The following PTPA variants were observed in gnomAD, a reference collection of about 807,000 sequenced individuals.
The protein encoded by PTPA is serine/threonine-protein phosphatase 2A activator.
Under a neutral mutation model 43.6 loss-of-function variants are expected in PTPA, and 13 were observed. That is an observed-to-expected ratio of 0.30 (90% confidence interval 0.19 to 0.47). The LOEUF is 0.47. Among genes scored for constraint, PTPA ranks in the 20% least tolerant of loss-of-function variants. PTPA has a pLI of 0.99. For missense variants in PTPA, 329 were observed against 411.9 expected (o/e 0.80, Z 1.74); for synonymous variants, 172 against 158.2 (o/e 1.09, Z -0.66).
chr9:129,126,135 C>T (rs774701014), intron 3 of PTPA, among the ~76,000 whole-genome samples: 1 of 151,500 alleles, frequency 6.6e-6, no homozygotes, highest in Non-Finnish European at 1.5e-5. Context: ...GGCGACAGTG[C>T]GAGACTTCGT....
intron 5 of PTPA, among the ~76,000 whole-genome samples, chr9:129,134,323 T>G (rs984487752): frequency 1.3e-4 from 13 of 97,620 alleles, no homozygotes; most frequent in Non-Finnish European, 2.3e-4. Context: ...TTTTTTTTTT[T>G]TGAGACAGTC....
At chr9:129,143,052 A>G in intron 9 of PTPA, 1 of 789,754 alleles carries the variant, frequency 1.3e-6, no homozygotes, top group Non-Finnish European at 2.0e-6. Context: ...CGCTTCAGGG[A>G]TTTTGATGCA....
At chr9:129,112,553 C>T (rs1848600460) in intron 1 of PTPA, among the ~76,000 whole-genome samples, 2 of 152,198 alleles carry the variant, frequency 1.3e-5, no homozygotes, top group Admixed American at 1.3e-4. Context: ...CCATGCCCCA[C>T]AAAAGAGGTG....
At chr9:129,143,508 C>G (rs1350708958) in intron 9 of PTPA, 2 of 696,012 alleles carry the variant, frequency 2.9e-6, no homozygotes, top group Non-Finnish European at 5.2e-6. Context: ...TGGATCCCAT[C>G]AGCAGAGGCG....
intron 5 of PTPA, among the ~76,000 whole-genome samples, chr9:129,133,200 G>A (rs1850102445): frequency 6.6e-6 from 1 of 152,238 alleles, no homozygotes; most frequent in African/African-American, 2.4e-5. Flanking sequence ...CAGGCAGATG[G>A]GGCACCGCTC....
chr9:129,143,266 C>A (rs1461447788), intron 9 of PTPA: 2 of 700,378 alleles, frequency 2.9e-6, no homozygotes, highest in Non-Finnish European at 5.2e-6. Flanking sequence ...CCTCCCACTT[C>A]CTGGGAAGAC....
chr9:129,117,112 A>T (rs1370592347), intron 1 of PTPA, among the ~76,000 whole-genome samples: 1 of 151,964 alleles, frequency 6.6e-6, no homozygotes, highest in Non-Finnish European at 1.5e-5. Flanking sequence ...CCCAGGCTGG[A>T]GTGCAGCTCA....
chr9:129,143,954 C>T (rs1851099839), intron 9 of PTPA, among the ~76,000 whole-genome samples: 1 of 151,632 alleles, frequency 6.6e-6, no homozygotes, highest in Non-Finnish European at 1.5e-5. Flanking sequence ...TGCACATCGC[C>T]CACCAGCCAC....
chr9:129,142,728 TG>T (rs888303844), intron 9 of PTPA, 176 bp downstream of exon 9: 26 of 1,538,198 alleles, frequency 1.7e-5, no homozygotes, highest in Non-Finnish European at 2.3e-5. Flanking sequence ...ATCTGGGGCA[TG>T]GGCAGTCAGA....
intron 6 of PTPA, among the ~76,000 whole-genome samples, chr9:129,135,660 T>G (rs927782910): frequency 6.6e-6 from 1 of 152,240 alleles, no homozygotes; most frequent in Non-Finnish European, 1.5e-5. Context: ...GCAGCACTGA[T>G]GTGGATCAGT....
At chr9:129,135,210 T>C (rs1022473857) in intron 6 of PTPA, among the ~76,000 whole-genome samples, 26 of 152,050 alleles carry the variant, frequency 1.7e-4, no homozygotes, top group African/African-American at 6.0e-4. Context: ...CTGGCCAACA[T>C]GATGAAACCC....
intron 3 of PTPA, 81 bp from the exon 4 acceptor site, chr9:129,128,900 TTGTC>T (rs1849761659): frequency 1.3e-6 from 2 of 1,549,426 alleles, no homozygotes; most frequent in Middle Eastern, 2.3e-4. Flanking sequence ...CAAGGGGTCA[TTGTC>T]TGGCAGCAGT....
chr9:129,137,590 A>C lies in PTPA; in HGVS notation c.686-2A>C. 1 of 1,608,926 alleles carries C rather than the reference A, an allele frequency of 6.2e-7. No individual in the cohort carries two copies. Among genetic ancestry groups the C allele is most frequent in the Non-Finnish European group, 8.5e-7 (1 of 1,177,288 alleles). On this transcript the variant is annotated splice_acceptor_variant, in intron 7 of 9. Coordinates refer to ENST00000393370, the MANE Select transcript of PTPA (RefSeq NM_178000.3). LOFTEE classifies it high-confidence loss of function. Reference sequence around the variant, plus strand: ...AATGCTGGGGCCCATTCCTTTTCCCAGACCACCCATACCTGGAGCCCAGAC... The same window carrying C: ...AATGCTGGGGCCCATTCCTTTTCCCCGACCACCCATACCTGGAGCCCAGAC...
In PTPA at chr9:129,142,656, C is replaced by G; in HGVS notation, c.894+104C>G. 1.9e-6 allele frequency: 3 copies of G among 1,557,266 alleles called. No individual in the cohort carries two copies. The South Asian group carries it at 3.5e-5, about 18-fold the overall frequency. ...ACCTGGGGCTCCTGCTTCCTCCTAC[C>G]CCACTGTTTTGCTCTGAATCTTAGG... On this transcript the variant is annotated intron_variant, in intron 9 of 9. Coordinates refer to ENST00000393370, the MANE Select transcript of PTPA (RefSeq NM_178000.3).
chr9:129,143,451 C>T lies in PTPA; in HGVS notation c.894+899C>T, dbSNP rs969924901. The T allele has an allele frequency of 2.3e-5, 16 of 702,818 alleles. No homozygotes were observed. The Admixed American group carries it at 2.6e-4, about 11-fold the overall frequency. The allele number at this position is 702,818 out of a possible 1,614,324, so 43.5% of individuals were successfully genotyped here. On this transcript the variant is annotated intron_variant, in intron 9 of 9. Transcript: ENST00000393370. The stretch of plus-strand genomic sequence containing the variant: ...TCTCTTGACTCCTGGCCGGCCTTCT[C>T]TTCTGGGAAGGGGCTGCTCCAGGTC...
At chr9:129,130,130 C>G (rs1189507572) in intron 4 of PTPA, among the ~76,000 whole-genome samples, 1 of 152,082 alleles carries the variant, frequency 6.6e-6, no homozygotes, top group Non-Finnish European at 1.5e-5. Context: ...GAAGGTGTTA[C>G]CTATTCAAAG....
At chr9:129,142,418 C>T (rs766774131) in intron 8 of PTPA, 27 bp from the exon 9 acceptor site, 17 of 1,546,058 alleles carry the variant, frequency 1.1e-5, no homozygotes, top group Admixed American at 7.6e-5. Context: ...GAACCTGTCT[C>T]TTCAGCTTGT....
intron 1 of PTPA, among the ~76,000 whole-genome samples, chr9:129,120,210 A>G (rs1401811948): frequency 5.3e-5 from 8 of 152,000 alleles, no homozygotes; most frequent in South Asian, 4.1e-4. Context: ...GTGAGCTGAG[A>G]TCGCGCCACT....
upstream of PTPA, chr9:129,111,027 T>C: frequency 7.3e-7 from 1 of 1,369,482 alleles, no homozygotes; most frequent in Non-Finnish European, 9.8e-7. Flanking sequence ...TTCTAAGCTG[T>C]TGGAGGTAGT....
Sources: allele counts gnomAD v4.1 joint callset (sites outside exome capture counted in the v4.1 genomes callset), GRCh38; gene constraint gnomAD v4.1.1; transcripts MANE v1.5; gene names NCBI Gene and HGNC (gene_info 2026-07-23, HGNC 2026-07-21).